Variants in SEC14L3 observed in about 807,000 individuals in gnomAD.
SEC14L3 encodes SEC14-like protein 3.
Under a neutral mutation model 57.4 loss-of-function variants are expected in SEC14L3, and 56 were observed. That is an observed-to-expected ratio of 0.97 (90% CI 0.79 to 1.22). The LOEUF (loss-of-function observed/expected upper bound fraction) is 1.22. Ranked by LOEUF, SEC14L3 falls within the 50% of genes most tolerant of loss-of-function variation. The probability of loss-of-function intolerance (pLI) is 0.00; values close to 1 mark genes in which losing one functional copy is unlikely to be tolerated. For missense variants in SEC14L3, 485 were observed against 511.7 expected (o/e 0.95, Z 0.50); for synonymous variants, 173 against 194.4 (o/e 0.89, Z 0.92).
chr22:30,468,694 C>G lies in SEC14L3; in HGVS notation c.237G>C (p.Val79=). The change falls in exon 5 of 12, where the codon GTG becomes GTC. Residue 79 remains valine, a splice_region_variant and synonymous_variant. Coordinates refer to ENST00000215812, the MANE Select transcript of SEC14L3 (RefSeq NM_174975.5). ...GGCCCCCAGGCATGTACTTCTGGAT[C>G]ACCTGGGCATGAAAAGATGCACAGA... ...DHILDWQPPE[V]IQKYMPGGLC... The G allele has an allele frequency of 1.2e-6, 2 of 1,613,726 alleles. No individual in the cohort carries two copies. Among genetic ancestry groups the G allele is most frequent in the Middle Eastern group, 1.7e-4 (1 of 6,060 alleles).
At chr22:30,470,943 AG>A (rs1337616924) in intron 1 of SEC14L3, among the ~76,000 whole-genome samples, 15 of 152,168 alleles carry the variant, frequency 9.9e-5, no homozygotes, top group Non-Finnish European at 2.9e-5. Context: ...AGAGAAAGAA[AG>A]ATGGATAGGT....
At chr22:30,456,286 G>A, downstream of SEC14L3, among the ~76,000 whole-genome samples, 1 of 119,582 alleles carries the variant, frequency 8.4e-6, no homozygotes, top group Non-Finnish European at 1.6e-5. Flanking sequence ...GCGACAGAGT[G>A]AGACCCTGTC....
downstream of SEC14L3, among the ~76,000 whole-genome samples, chr22:30,454,967 A>G (rs1286300772): frequency 2.6e-3 from 163 of 62,668 alleles, no homozygotes; most frequent in Non-Finnish European, 3.4e-3. Context: ...TATAATAGAT[A>G]TATAATATAT....
At chr22:30,453,955 C>T (rs1250536437) in intron 12 of SEC14L3, among the ~76,000 whole-genome samples, 2 of 152,124 alleles carry the variant, frequency 1.3e-5, no homozygotes, top group Non-Finnish European at 2.9e-5. Context: ...CAGAACTAAT[C>T]TCTCCTCCCC....
chr22:30,447,786 G>A (rs929076515), downstream of SEC14L3, among the ~76,000 whole-genome samples: 6 of 152,192 alleles, frequency 3.9e-5, no homozygotes, highest in South Asian at 2.1e-4. Context: ...ATAGGTGTGT[G>A]TGTTTGGCAG....
chr22:30,447,798 G>A (rs1423442124), downstream of SEC14L3, among the ~76,000 whole-genome samples: 1 of 152,182 alleles, frequency 6.6e-6, no homozygotes, highest in African/African-American at 2.4e-5. Context: ...GTTTGGCAGG[G>A]CTGGGGTGGG....
downstream of SEC14L3, among the ~76,000 whole-genome samples, chr22:30,457,845 G>A (rs1036428648): frequency 6.6e-6 from 1 of 152,146 alleles, no homozygotes; most frequent in African/African-American, 2.4e-5. Flanking sequence ...AGTGGTGGGG[G>A]TGAAGAGGTG....
At chr22:30,457,193 T>C (rs1034789382), downstream of SEC14L3, among the ~76,000 whole-genome samples, 3 of 152,112 alleles carry the variant, frequency 2.0e-5, no homozygotes, top group East Asian at 5.8e-4. Context: ...CATGACATCA[T>C]TGGCCCAAAT....
chr22:30,448,793 G>A, exon 13 of SEC14L3: 1 of 308,126 alleles, frequency 3.2e-6, no homozygotes, highest in South Asian at 8.1e-5. Flanking sequence ...TCAGGAGGCT[G>A]AGAGGGGAGA....
chr22:30,451,871 A>T (rs1253751392), intron 12 of SEC14L3, among the ~76,000 whole-genome samples: 1 of 151,744 alleles, frequency 6.6e-6, no homozygotes, highest in Admixed American at 6.6e-5. Context: ...GTGCACCTGT[A>T]GTCCCAGCTA....
intron 12 of SEC14L3, among the ~76,000 whole-genome samples, chr22:30,449,965 T>C (rs1934950437): frequency 6.6e-6 from 1 of 151,992 alleles, no homozygotes; most frequent in Non-Finnish European, 1.5e-5. Flanking sequence ...TGTTCTGGAC[T>C]GGGTGTGATA....
At chr22:30,462,389 C>T (rs753710803) in intron 8 of SEC14L3, 197 bp from the exon 9 acceptor site, 38 of 390,654 alleles carry the variant, frequency 9.7e-5, no homozygotes, top group South Asian at 2.1e-4. Context: ...ATGTGTTTCC[C>T]GCCTTGATAG....
intron 12 of SEC14L3, among the ~76,000 whole-genome samples, chr22:30,449,651 G>A (rs780425268): frequency 4.0e-5 from 6 of 149,454 alleles, no homozygotes; most frequent in African/African-American, 7.4e-5. Flanking sequence ...TGCAACCTCC[G>A]CCTCCCAGTT....
At chr22:30,461,964 G>T in intron 9 of SEC14L3, 122 bp downstream of exon 9, 1 of 1,139,480 alleles carries the variant, frequency 8.8e-7, no homozygotes, top group Non-Finnish European at 1.3e-6. Flanking sequence ...GGGTTGTATT[G>T]ACTAGCTTAA....
chr22:30,468,271 T>A (rs9306261), intron 5 of SEC14L3, among the ~76,000 whole-genome samples: 105,438 of 149,914 alleles, frequency 0.7, 38,069 homozygotes, highest in African/African-American at 0.86. Flanking sequence ...AGAGCGAGAC[T>A]CTGTCTCAAG....
At chr22:30,448,737 G>A (rs994854603) in exon 13 of SEC14L3, 49 of 184,436 alleles carry the variant, frequency 2.7e-4, no homozygotes, top group African/African-American at 5.5e-4. Context: ...AAGAAAGAAA[G>A]AAAAAAAACC....
At chr22:30,458,461 G>T (rs972265236), downstream of SEC14L3, among the ~76,000 whole-genome samples, 1 of 152,214 alleles carries the variant, frequency 6.6e-6, no homozygotes, top group Admixed American at 6.5e-5. Flanking sequence ...AGGGTGACAT[G>T]CAGGACACTT....
Position 30,462,280 on chromosome 22 carries a change from G to T in SEC14L3, c.665-88C>A, listed in dbSNP as rs183022448. 4.8e-5 allele frequency: 72 copies of T among 1,493,812 alleles called. No homozygotes were observed. The African/African-American group carries it at 8.5e-4, about 18-fold the overall frequency. The allele number at this position is 1,493,812 out of a possible 1,614,324, so 92.5% of individuals were successfully genotyped here. A position where few individuals can be genotyped will look rare whatever the true frequency, so the allele number is the denominator to read the frequency against. ...CCCACCAGGATGACCTGAACTGGGG[G>T]AGAAGCCCTATAGGAGGTAGGCTGC... On this transcript the variant is annotated intron_variant, in intron 8 of 11. Coordinates refer to ENST00000215812, the MANE Select transcript of SEC14L3 (RefSeq NM_174975.5).
exon 13 of SEC14L3, chr22:30,448,863 G>T: frequency 3.8e-6 from 2 of 521,672 alleles, no homozygotes; most frequent in Non-Finnish European, 3.4e-6. Flanking sequence ...CTGCACTCCA[G>T]CCTGGGCCAC....
Sources: gnomAD v4.1 joint callset for allele counts (sites outside exome capture counted in the v4.1 genomes callset) on GRCh38, gnomAD v4.1.1 for gene constraint, MANE v1.5 for transcripts, NCBI Gene and HGNC (gene_info 2026-07-23, HGNC 2026-07-21) for gene names.